MACROD2: variants seen among roughly 807,000 people sequenced by gnomAD.
The protein encoded by MACROD2 is ADP-ribose glycohydrolase MACROD2.
In MACROD2, 36 loss-of-function variants were observed where a neutral mutation model predicts 70.4. That is an observed-to-expected ratio of 0.51 (90% CI 0.39 to 0.68). The LOEUF (loss-of-function observed/expected upper bound fraction) is 0.68, where lower values mean the gene tolerates loss of function less well. Ranked by LOEUF, MACROD2 falls within the 30% of genes least tolerant of loss-of-function variation. The pLI is 0.00. For synonymous variants in MACROD2, 172 were observed against 178.8 expected, an observed-to-expected ratio of 0.96 and a Z score of 0.30; for missense variants, 496 against 538.4, an observed-to-expected ratio of 0.92 and a Z score of 0.78.
At chr20:14,268,927 G>T (rs2122343416) in intron 3 of MACROD2, among the ~76,000 whole-genome samples, 1 of 152,216 alleles carries the variant, frequency 6.6e-6, no homozygotes, top group East Asian at 1.9e-4. Flanking sequence ...TCAACATCAT[G>T]GTTGAAATAC....
intron 6 of MACROD2, among the ~76,000 whole-genome samples, chr20:15,304,790 A>T (rs191583504): frequency 6.6e-6 from 1 of 152,250 alleles, no homozygotes; most frequent in Admixed American, 6.5e-5. Flanking sequence ...GTGAGGTCTG[A>T]TCCCAGCCAA....
intron 5 of MACROD2, among the ~76,000 whole-genome samples, chr20:15,193,428 A>G (rs1380664926): frequency 1.3e-5 from 2 of 152,124 alleles, no homozygotes; most frequent in Non-Finnish European, 2.9e-5. Flanking sequence ...GGATGACGTG[A>G]GGCCAGGAGT....
At chr20:15,205,310 T>C (rs2076692129) in intron 5 of MACROD2, among the ~76,000 whole-genome samples, 1 of 152,300 alleles carries the variant, frequency 6.6e-6, no homozygotes, top group African/African-American at 2.4e-5. Context: ...ACAGTGAACT[T>C]TGGAAGAAGG....
At chr20:15,208,841 G>C (rs558010301) in intron 5 of MACROD2, among the ~76,000 whole-genome samples, 1 of 152,306 alleles carries the variant, frequency 6.6e-6, no homozygotes, top group South Asian at 2.1e-4. Flanking sequence ...TATGTGGTCT[G>C]CTCTGACATT....
chr20:14,361,526 T>C lies in MACROD2; in HGVS notation c.272-131953T>C, dbSNP rs527393566. 2.0e-5 allele frequency among the ~76,000 whole-genome samples: 3 copies of C among 152,296 alleles called. No homozygotes were observed. The East Asian group carries it at 5.8e-4, about 29-fold the overall frequency. ...AAACTTTAATGAATTGAAATTTCAC[T>C]CCTAACCAAATGATACATGTTTAAA... On this transcript the variant is annotated intron_variant, in intron 3 of 17. Transcript: ENST00000684519.
intron 7 of MACROD2, among the ~76,000 whole-genome samples, chr20:15,474,919 A>T (rs999848105): frequency 6.6e-6 from 1 of 152,046 alleles, no homozygotes; most frequent in Non-Finnish European, 1.5e-5. Context: ...TTGTACTCGG[A>T]GGCAGGATCG....
chr20:15,656,831 C>A (rs977992077), intron 8 of MACROD2, among the ~76,000 whole-genome samples: 10 of 151,268 alleles, frequency 6.6e-5, no homozygotes, highest in African/African-American at 2.4e-4. Flanking sequence ...CAGTCCTGCC[C>A]CCAAGAATAG....
At chr20:15,868,561 A>C (rs2064526016) in intron 9 of MACROD2, among the ~76,000 whole-genome samples, 1 of 151,534 alleles carries the variant, frequency 6.6e-6, no homozygotes, top group Non-Finnish European at 1.5e-5. Context: ...TTTTCTTTAT[A>C]TACCTTAAGC....
chr20:15,570,533 G>A (rs2048364001), intron 8 of MACROD2, among the ~76,000 whole-genome samples: 1 of 152,152 alleles, frequency 6.6e-6, no homozygotes, highest in East Asian at 1.9e-4. Context: ...ATTGGCTCTA[G>A]CAACTAAAAG....
chr20:15,067,052 T>C (rs545843524), intron 5 of MACROD2, among the ~76,000 whole-genome samples: 86 of 152,316 alleles, frequency 5.6e-4, no homozygotes, highest in African/African-American at 2.0e-3. Context: ...TTTCTCATTT[T>C]ATCCCATTTC....
intron 3 of MACROD2, among the ~76,000 whole-genome samples, chr20:14,121,223 T>C (rs2097738631): frequency 6.6e-6 from 1 of 152,076 alleles, no homozygotes; most frequent in African/African-American, 2.4e-5. Context: ...GATCCCGTCT[T>C]ATGATTTTAA....
chr20:14,643,553 T>G (rs915537895), intron 4 of MACROD2, among the ~76,000 whole-genome samples: 1 of 152,228 alleles, frequency 6.6e-6, no homozygotes, highest in African/African-American at 2.4e-5. Flanking sequence ...TTCACAAATT[T>G]AAATTTATAA....
chr20:15,079,935 A>C (rs2075689922), intron 5 of MACROD2, among the ~76,000 whole-genome samples: 1 of 152,076 alleles, frequency 6.6e-6, no homozygotes. Flanking sequence ...CAGAGAAAAT[A>C]GAAGCTATCA....
At chr20:15,053,502 A>C (rs2075459260) in intron 5 of MACROD2, among the ~76,000 whole-genome samples, 1 of 152,212 alleles carries the variant, frequency 6.6e-6, no homozygotes, top group Non-Finnish European at 1.5e-5. Context: ...CCTGGATGAC[A>C]GCACATCTGT....
chr20:14,533,532 T>C (rs1265040809), intron 4 of MACROD2, among the ~76,000 whole-genome samples: 1 of 152,190 alleles, frequency 6.6e-6, no homozygotes, highest in African/African-American at 2.4e-5. Flanking sequence ...GGTGAACCAT[T>C]TGATCTTGAA....
intron 4 of MACROD2, among the ~76,000 whole-genome samples, chr20:14,591,021 G>A (rs1011493692): frequency 4.6e-5 from 7 of 152,036 alleles, no homozygotes; most frequent in East Asian, 3.9e-4. Context: ...GATGTTATAC[G>A]AAACTGTATT....
At chr20:16,003,452 G>T (rs1269003522) in intron 15 of MACROD2, among the ~76,000 whole-genome samples, 1 of 152,102 alleles carries the variant, frequency 6.6e-6, no homozygotes, top group Admixed American at 6.5e-5. Flanking sequence ...AATAAGCAGA[G>T]TTTGGAGGCT....
At chr20:16,029,649 A>G (rs2067126690) in intron 15 of MACROD2, among the ~76,000 whole-genome samples, 2 of 152,172 alleles carry the variant, frequency 1.3e-5, no homozygotes, top group Admixed American at 1.3e-4. Flanking sequence ...ATCATCCTGA[A>G]TAAGATCACA....
chr20:15,579,032 A>C lies in MACROD2; in HGVS notation c.645+79185A>C, dbSNP rs541548191. ...AATATTGATTCAAGTCAAACACTAC[A>C]TATATTTTGAATTGGTCGTTCTAAA... is the stretch of plus-strand genomic sequence containing the variant. On this transcript the variant is annotated intron_variant, in intron 8 of 17. Coordinates refer to ENST00000684519, the MANE Select transcript of MACROD2 (RefSeq NM_001351661.2). Among the ~76,000 whole-genome samples, 7 of 152,316 alleles carry C rather than the reference A, an allele frequency of 4.6e-5. No individual in the cohort carries two copies. The East Asian group carries it at 1.2e-3, about 25-fold the overall frequency.
Sources: allele counts gnomAD v4.1 joint callset (sites outside exome capture counted in the v4.1 genomes callset), GRCh38; gene constraint gnomAD v4.1.1; transcripts MANE v1.5; gene names NCBI Gene and HGNC (gene_info 2026-07-23, HGNC 2026-07-21).